Variants in ERBB4 observed in about 807,000 individuals in gnomAD.
ERBB4 encodes erb-b2 receptor tyrosine kinase 4, also known as receptor tyrosine-protein kinase erbB-4.
Under a neutral mutation model 158.0 loss-of-function variants are expected in ERBB4, and 42 were observed. The ratio of observed to expected loss-of-function variants is 0.27; its 90% CI spans 0.21 to 0.34. ERBB4 has a LOEUF of 0.34. Among genes scored for constraint, ERBB4 ranks in the 10% least tolerant of loss-of-function variants. The pLI is 1.00. For missense variants in ERBB4, 1,333 were observed against 1,624.1 expected (o/e 0.82, Z 3.08); for synonymous variants, 583 against 558.7 (o/e 1.04, Z -0.61).
At chr2:211,386,742 GA>G in intron 27 of ERBB4, 110 bp downstream of exon 27, 3 of 1,009,542 alleles carry the variant, frequency 3.0e-6, no homozygotes, top group Non-Finnish European at 4.7e-6. Flanking sequence ...GCCTTTACTG[GA>G]TCACAAATGT....
intron 20 of ERBB4, among the ~76,000 whole-genome samples, chr2:211,434,237 T>G (rs1336179307): frequency 6.6e-6 from 1 of 152,136 alleles, no homozygotes; most frequent in Non-Finnish European, 1.5e-5. Flanking sequence ...ACCAAAAAAT[T>G]TAAAACTCTG....
At chr2:212,490,400 T>C (rs1690208251) in intron 1 of ERBB4, among the ~76,000 whole-genome samples, 1 of 151,558 alleles carries the variant, frequency 6.6e-6, no homozygotes, top group Admixed American at 6.6e-5. Flanking sequence ...AATTTCACTT[T>C]GATATTTTCA....
At chr2:212,524,072 G>A (rs1692316972) in intron 1 of ERBB4, among the ~76,000 whole-genome samples, 1 of 151,842 alleles carries the variant, frequency 6.6e-6, no homozygotes. Flanking sequence ...CCCTTCCCAA[G>A]CCTCCTCTTT....
chr2:212,036,905 A>G (rs1404276438), intron 2 of ERBB4, among the ~76,000 whole-genome samples: 3 of 152,232 alleles, frequency 2.0e-5, no homozygotes, highest in Non-Finnish European at 4.4e-5. Flanking sequence ...TTGTGCGTCT[A>G]AAGTTCCCCG....
chr2:212,314,915 A>T (rs2087206583), intron 1 of ERBB4, among the ~76,000 whole-genome samples: 1 of 151,236 alleles, frequency 6.6e-6, no homozygotes, highest in Non-Finnish European at 1.5e-5. Context: ...TAATGGACTG[A>T]GGCTGAATTA....
At chr2:212,496,026 A>C (rs1560480961) in intron 1 of ERBB4, among the ~76,000 whole-genome samples, 2 of 152,160 alleles carry the variant, frequency 1.3e-5, no homozygotes, top group Non-Finnish European at 2.9e-5. Context: ...TCAAATTTTC[A>C]AAGATTCTCT....
intron 2 of ERBB4, among the ~76,000 whole-genome samples, chr2:212,083,706 A>G (rs143286950): frequency 1.3e-5 from 2 of 152,090 alleles, no homozygotes; most frequent in African/African-American, 4.8e-5. Flanking sequence ...GCACAATCCC[A>G]TAAGTAAAGC....
intron 7 of ERBB4, among the ~76,000 whole-genome samples, chr2:211,715,223 A>G (rs995257763): frequency 6.6e-6 from 1 of 152,188 alleles, no homozygotes; most frequent in Non-Finnish European, 1.5e-5. Context: ...AAGAAAGGGA[A>G]TCTGGTGCAA....
intron 3 of ERBB4, among the ~76,000 whole-genome samples, chr2:211,829,898 G>T (rs1435520918): frequency 6.6e-6 from 1 of 152,100 alleles, no homozygotes; most frequent in East Asian, 1.9e-4. Context: ...TATACAAAAT[G>T]CCTGGCACAT....
chr2:212,253,003 T>C (rs945473061), intron 1 of ERBB4, among the ~76,000 whole-genome samples: 3 of 151,680 alleles, frequency 2.0e-5, no homozygotes, highest in African/African-American at 7.3e-5. Context: ...CTAATATTCA[T>C]GACAGTTTGA....
intron 1 of ERBB4, among the ~76,000 whole-genome samples, chr2:212,155,584 A>G (rs115829824): frequency 0.016 from 2,446 of 152,200 alleles, 53 homozygotes; most frequent in African/African-American, 0.054. Context: ...TATCATGCAT[A>G]CTGTAACCCA....
At chr2:212,332,994 G>T (rs1475800572) in intron 1 of ERBB4, among the ~76,000 whole-genome samples, 1 of 151,980 alleles carries the variant, frequency 6.6e-6, no homozygotes, top group Non-Finnish European at 1.5e-5. Flanking sequence ...ATCAGAAATG[G>T]AACTAAGATC....
chr2:211,620,485 A>T (rs1487696561), intron 18 of ERBB4, among the ~76,000 whole-genome samples: 2 of 152,182 alleles, frequency 1.3e-5, no homozygotes, highest in African/African-American at 4.8e-5. Context: ...TGAACACAAG[A>T]ATTATTTTAA....
In ERBB4 at chr2:211,862,264, G is replaced by A. The variant is rs994801750; in HGVS notation, c.422-74105C>T. Among the ~76,000 whole-genome samples the A allele has an allele frequency of 1.6e-4, 24 of 152,022 alleles. 1 individual carries two copies. Among genetic ancestry groups the A allele is most frequent in the African/African-American group, 5.6e-4 (23 of 41,416 alleles). On this transcript the variant is annotated intron_variant, in intron 3 of 27. Coordinates refer to ENST00000342788, the MANE Select transcript of ERBB4 (RefSeq NM_005235.3). Reference sequence around the variant, plus strand: ...GCTAAAGGGATAAAAACAATAACAAGTTTACAATAATTGTATGATGATAAA... The same window carrying A: ...GCTAAAGGGATAAAAACAATAACAAATTTACAATAATTGTATGATGATAAA...
In ERBB4 at chr2:211,820,469, A is replaced by G. The variant is rs940826121; in HGVS notation, c.422-32310T>C. ...ATCTCCCAACAAAGAAAAGTCTAAG[A>G]CCAATGGCCTCATCACTAAATTCTA... is the stretch of plus-strand genomic sequence containing the variant. On this transcript the variant is annotated intron_variant, in intron 3 of 27. Transcript: ENST00000342788. Among the ~76,000 whole-genome samples the G allele has an allele frequency of 2.6e-5, 4 of 151,990 alleles. No homozygotes were observed. In the South Asian group the frequency reaches 8.3e-4, roughly 31 times the overall value.
chr2:212,371,454 C>G (rs1228744810), intron 1 of ERBB4, among the ~76,000 whole-genome samples: 3 of 152,190 alleles, frequency 2.0e-5, no homozygotes, highest in Non-Finnish European at 4.4e-5. Context: ...CCATCTCCTA[C>G]ATGCTGGTTT....
chr2:211,827,756 G>T (rs192890091), intron 3 of ERBB4, among the ~76,000 whole-genome samples: 2 of 151,960 alleles, frequency 1.3e-5, no homozygotes, highest in African/African-American at 4.8e-5. Context: ...TACATTGATG[G>T]CTATAAGACA....
At chr2:212,056,049 G>C (rs983713172) in intron 2 of ERBB4, among the ~76,000 whole-genome samples, 2 of 152,108 alleles carry the variant, frequency 1.3e-5, no homozygotes, top group African/African-American at 2.4e-5. Context: ...AGACAAATGG[G>C]TAACTAGAAT....
chr2:211,489,485 TGCTG>T (rs1032505553), intron 20 of ERBB4, among the ~76,000 whole-genome samples: 5 of 151,998 alleles, frequency 3.3e-5, no homozygotes, highest in African/African-American at 1.2e-4. Context: ...CAATACTAAA[TGCTG>T]GCTATTATAG....
Sources: allele counts gnomAD v4.1 joint callset (sites outside exome capture counted in the v4.1 genomes callset), GRCh38; gene constraint gnomAD v4.1.1; transcripts MANE v1.5; gene names NCBI Gene and HGNC (gene_info 2026-07-23, HGNC 2026-07-21).